Variants in GHR observed in about 807,000 individuals in gnomAD.
GHR encodes the protein growth hormone receptor.
GHR carries 35 observed loss-of-function variants against 67.1 expected under a neutral mutation model. The observed-to-expected ratio is 0.52, with a 90% confidence interval of 0.40 to 0.69. The LOEUF (loss-of-function observed/expected upper bound fraction) is 0.69, where lower values mean the gene tolerates loss of function less well. GHR is among the 30% of genes least tolerant of loss of function. GHR has a pLI of 0.00. For missense variants in GHR, 792 were observed against 764.6 expected, an observed-to-expected ratio of 1.04 and a Z score of -0.42; for synonymous variants, 272 against 269.1, an observed-to-expected ratio of 1.01 and a Z score of -0.10.
intron 1 of GHR, among the ~76,000 whole-genome samples, chr5:42,474,284 A>AG (rs1745155769): frequency 3.4e-5 from 4 of 116,362 alleles, no homozygotes; most frequent in Non-Finnish European, 5.3e-5. Flanking sequence ...AGAAAGAAAG[A>AG]AAAAGAGAAA....
intron 2 of GHR, among the ~76,000 whole-genome samples, chr5:42,573,855 A>G (rs1750477299): frequency 6.6e-6 from 1 of 152,278 alleles, no homozygotes; most frequent in Non-Finnish European, 1.5e-5. Flanking sequence ...TACTTTGTGT[A>G]TTTTTTAATT....
intron 1 of GHR, among the ~76,000 whole-genome samples, chr5:42,435,648 A>G (rs1743292202): frequency 6.6e-6 from 1 of 152,210 alleles, no homozygotes; most frequent in Non-Finnish European, 1.5e-5. Flanking sequence ...CTAAGAAACC[A>G]ATGTTAGTAC....
At chr5:42,492,178 G>T (rs1746142561) in intron 1 of GHR, among the ~76,000 whole-genome samples, 1 of 152,062 alleles carries the variant, frequency 6.6e-6, no homozygotes, top group Non-Finnish European at 1.5e-5. Flanking sequence ...CTATAGTTTT[G>T]CTTTTCAAAC....
intron 3 of GHR, among the ~76,000 whole-genome samples, chr5:42,675,639 TATACA>T (rs1444879172): frequency 3.9e-5 from 6 of 152,170 alleles, no homozygotes; most frequent in African/African-American, 1.2e-4. Context: ...TAAGGGAAGT[TATACA>T]ATACATTTTA....
At chr5:42,462,020 A>G (rs1329968564) in intron 1 of GHR, among the ~76,000 whole-genome samples, 1 of 152,234 alleles carries the variant, frequency 6.6e-6, no homozygotes, top group Non-Finnish European at 1.5e-5. Flanking sequence ...TGTCAGAAAC[A>G]TGGTACCCAG....
intron 2 of GHR, among the ~76,000 whole-genome samples, chr5:42,572,851 A>T (rs188700650): frequency 5.3e-5 from 8 of 152,294 alleles, no homozygotes; most frequent in Middle Eastern, 3.4e-3. Flanking sequence ...AACAAGCAGG[A>T]CACAGGATTG....
chr5:42,516,658 A>G (rs1747251890), intron 1 of GHR, among the ~76,000 whole-genome samples: 1 of 152,246 alleles, frequency 6.6e-6, no homozygotes, highest in African/African-American at 2.4e-5. Flanking sequence ...AAGTGGAAGA[A>G]TCTCAAATAG....
At chr5:42,692,726 G>C (rs1027240734) in intron 4 of GHR, among the ~76,000 whole-genome samples, 2 of 152,132 alleles carry the variant, frequency 1.3e-5, no homozygotes, top group African/African-American at 4.8e-5. Flanking sequence ...GACATGCACT[G>C]TTGAGAAATT....
chr5:42,682,764 T>C (rs925244207), intron 3 of GHR, among the ~76,000 whole-genome samples: 3 of 152,368 alleles, frequency 2.0e-5, no homozygotes, highest in African/African-American at 7.2e-5. Context: ...TCTGATATAT[T>C]AAATTCATTT....
In GHR at chr5:42,718,929, G is replaced by A; in HGVS notation, c.1422G>A (p.Gln474=). 2.5e-6 allele frequency: 4 copies of A among 1,614,064 alleles called. No homozygotes were observed. The highest frequency in any genetic ancestry group is 1.1e-5 in the South Asian group (1 of 91,076). ...CAACTCACCAAGCTGCCCATATTCAGCTAAGCAATCCAAGTTCACTGTCAA... is the reference window on the plus strand; with the variant it reads ...CAACTCACCAAGCTGCCCATATTCAACTAAGCAATCCAAGTTCACTGTCAA... ...AESTHQAAHI[Q]LSNPSSLSNI... is the part of the protein sequence containing the mutation. The change falls in exon 10 of 10, where the codon CAG becomes CAA. Residue 474 remains glutamine, a synonymous_variant. Transcript: ENST00000230882.
At chr5:42,597,709 A>C (rs1456744221) in intron 2 of GHR, among the ~76,000 whole-genome samples, 1 of 152,196 alleles carries the variant, frequency 6.6e-6, no homozygotes, top group Non-Finnish European at 1.5e-5. Flanking sequence ...CAGATAGTGC[A>C]ACTCCATGTA....
chr5:42,424,719 CG>C lies in GHR; in HGVS notation c.-12+765del. The C allele has an allele frequency of 9.7e-7, 1 of 1,033,210 alleles. No individual in the cohort carries two copies. The highest frequency in any genetic ancestry group is 1.5e-6 in the Non-Finnish European group (1 of 687,788). 64.0% of individuals were successfully genotyped at this position (1,033,210 alleles called of 1,614,324 possible). ...AGGCTGCGGGTCAATGGGGTGGCCG[CG>C]TGTCTAGGGAGAGGGCGCTGGCGGC... On this transcript the variant is annotated intron_variant, in intron 1 of 9. Transcript: ENST00000230882. The surrounding 1 kb of genome is among the most constrained non-coding windows in gnomAD (Gnocchi z 4.1).
chr5:42,455,458 A>G (rs548736503), intron 1 of GHR, among the ~76,000 whole-genome samples: 22 of 152,158 alleles, frequency 1.4e-4, no homozygotes, highest in South Asian at 2.1e-4. Flanking sequence ...TAGCTGAGAT[A>G]CCATCTTTTG....
chr5:42,620,209 ATCT>A (rs1753373166), intron 2 of GHR, among the ~76,000 whole-genome samples: 2 of 152,132 alleles, frequency 1.3e-5, no homozygotes, highest in African/African-American at 4.8e-5. Flanking sequence ...GTACTTTAGA[ATCT>A]TCTTTTGTGC....
intron 1 of GHR, chr5:42,468,385 T>C (rs1281363429): frequency 2.4e-6 from 3 of 1,266,468 alleles, no homozygotes; most frequent in East Asian, 2.4e-5. Flanking sequence ...TCAAACCCCA[T>C]CTAAGCTTTA....
At chr5:42,626,401 A>G (rs1356330853) in intron 2 of GHR, among the ~76,000 whole-genome samples, 1 of 152,162 alleles carries the variant, frequency 6.6e-6, no homozygotes, top group African/African-American at 2.4e-5. Flanking sequence ...ATTAGAAAGG[A>G]TATTACAAAG....
At chr5:42,567,767 C>G (rs369863205) in intron 2 of GHR, among the ~76,000 whole-genome samples, 13 of 140,816 alleles carry the variant, frequency 9.2e-5, no homozygotes, top group African/African-American at 2.6e-4. Flanking sequence ...ATGCTTGGCT[C>G]TGTGTGTGTG....
intron 6 of GHR, among the ~76,000 whole-genome samples, chr5:42,710,738 G>A (rs1304757506): frequency 3.9e-5 from 6 of 152,164 alleles, no homozygotes; most frequent in African/African-American, 9.7e-5. Context: ...CTGTGATTAT[G>A]TGAATGACTA....
At chr5:42,706,958 T>C (rs961867874) in intron 6 of GHR, among the ~76,000 whole-genome samples, 4 of 152,142 alleles carry the variant, frequency 2.6e-5, no homozygotes, top group African/African-American at 9.7e-5. Flanking sequence ...TTGCATTGAA[T>C]GTGTAGATTG....
Sources: gnomAD v4.1 joint callset for allele counts (sites outside exome capture counted in the v4.1 genomes callset) on GRCh38, gnomAD v4.1.1 for gene constraint, Gnocchi (gnomAD v3.1) non-coding constraint, MANE v1.5 for transcripts, NCBI Gene and HGNC (gene_info 2026-07-23, HGNC 2026-07-21) for gene names.